The following ITFG1 variants were observed in gnomAD, a reference collection of about 807,000 sequenced individuals.
ITFG1 encodes integrin alpha FG-GAP repeat containing 1.
A neutral mutation model predicts 81.8 loss-of-function variants in ITFG1; 34 were observed. The observed-to-expected ratio is 0.42, with a 90% confidence interval of 0.32 to 0.55. ITFG1 has a LOEUF of 0.55. ITFG1 is among the 20% of genes least tolerant of loss of function. ITFG1 has a pLI of 0.17. For synonymous variants in ITFG1, 285 were observed against 270.6 expected, an observed-to-expected ratio of 1.05 and a Z score of -0.52; for missense variants, 672 against 755.4, an observed-to-expected ratio of 0.89 and a Z score of 1.29.
intron 8 of ITFG1, among the ~76,000 whole-genome samples, chr16:47,344,086 T>C (rs944768127): frequency 1.2e-4 from 19 of 152,174 alleles, no homozygotes; most frequent in Non-Finnish European, 2.6e-4. Context: ...GGCAAATTCA[T>C]TGAGACAGAA....
At chr16:47,315,019 T>C (rs1284365585) in intron 8 of ITFG1, among the ~76,000 whole-genome samples, 1 of 152,142 alleles carries the variant, frequency 6.6e-6, no homozygotes, top group African/African-American at 2.4e-5. Flanking sequence ...GACTTCAGCA[T>C]GGAAAATTAA....
chr16:47,371,716 T>C lies in ITFG1; in HGVS notation c.720+4160A>G, dbSNP rs563222868. On this transcript the variant is annotated intron_variant, in intron 7 of 17. Coordinates refer to ENST00000320640, the MANE Select transcript of ITFG1 (RefSeq NM_030790.5). ...TCCCCTGAGAACATCTGGCAATGTC[T>C]GCAGACATTTTTGATTGTCACAAGT... Among the ~76,000 whole-genome samples, 16 of 152,262 alleles carry C rather than the reference T, an allele frequency of 1.1e-4. No individual in the cohort carries two copies. The East Asian group carries it at 3.1e-3, about 29-fold the overall frequency.
At chr16:47,179,463 A>C (rs1164475143) in intron 14 of ITFG1, among the ~76,000 whole-genome samples, 1 of 152,202 alleles carries the variant, frequency 6.6e-6, no homozygotes, top group Non-Finnish European at 1.5e-5. Flanking sequence ...CCTAGAACTT[A>C]AAGTATATAA....
At chr16:47,263,734 T>C (rs1414069555) in intron 10 of ITFG1, among the ~76,000 whole-genome samples, 2 of 152,202 alleles carry the variant, frequency 1.3e-5, no homozygotes, top group South Asian at 4.1e-4. Flanking sequence ...CCTGAATGAA[T>C]GAATGAATGA....
rs1567438700 is a variant in ITFG1, at chr16:47,260,652, C to T, written c.1114G>A (p.Ala372Thr). Residue 372 changes from alanine to threonine, a missense_variant, in exon 11 of 18, where the codon GCA becomes ACA. This residue lies in a region of ITFG1 where 560 missense variants were observed against 625.7 expected (regional missense o/e 0.90). Transcript: ENST00000320640. ...FLLENVPCNNASCEEARRMFK... is the reference protein window; with the variant it reads ...FLLENVPCNNTSCEEARRMFK... ...ATTCGACGCGCCTCTTCACAGCTTG[C>T]ATTATTACAAGGGACGTTCTCCAGT... is the stretch of plus-strand genomic sequence containing the variant. 1.2e-6 allele frequency: 2 copies of T among 1,614,212 alleles called. No homozygotes were observed. The highest frequency in any genetic ancestry group is 8.5e-7 in the Non-Finnish European group (1 of 1,180,040).
At chr16:47,232,048 A>G (rs1247853702) in intron 13 of ITFG1, among the ~76,000 whole-genome samples, 2 of 152,224 alleles carry the variant, frequency 1.3e-5, no homozygotes, top group African/African-American at 4.8e-5. Flanking sequence ...CAAGGAAGAT[A>G]TGCAGCCTCA....
At chr16:47,452,347 C>T (rs1395489648) in intron 4 of ITFG1, among the ~76,000 whole-genome samples, 1 of 152,130 alleles carries the variant, frequency 6.6e-6, no homozygotes, top group Admixed American at 6.6e-5. Flanking sequence ...TAACACAAAG[C>T]AGGAGTTATA....
rs564643388 is a variant in ITFG1 at position 47,338,533 on chromosome 16, C to CA, written c.803-24711dup. 3.0e-3 allele frequency among the ~76,000 whole-genome samples: 456 copies of CA among 151,710 alleles called. 4 individuals are homozygous for CA. Among genetic ancestry groups the CA allele is most frequent in the Non-Finnish European group, 5.4e-3 (366 of 67,936 alleles). ...TAATATCTAAATGTTCGGTTTAGAG[C>CA]AAAAAAATCACAAGGCATACAAAGA... On this transcript the variant is annotated intron_variant, in intron 8 of 17. Transcript: ENST00000320640.
chr16:47,377,585 C>G (rs1411081910), intron 6 of ITFG1, among the ~76,000 whole-genome samples: 1 of 152,186 alleles, frequency 6.6e-6, no homozygotes, highest in African/African-American at 2.4e-5. Context: ...TTCCTTGTCT[C>G]TGTAGTACCT....
intron 4 of ITFG1, among the ~76,000 whole-genome samples, chr16:47,452,461 G>T (rs984687479): frequency 3.9e-5 from 6 of 152,098 alleles, no homozygotes; most frequent in Non-Finnish European, 5.9e-5. Flanking sequence ...TCAAAAACAG[G>T]TATCTTAATT....
intron 10 of ITFG1, among the ~76,000 whole-genome samples, chr16:47,304,398 A>G (rs544127223): frequency 1.3e-5 from 2 of 152,366 alleles, no homozygotes; most frequent in East Asian, 3.9e-4. Flanking sequence ...AAACAGAAGT[A>G]TAAGTGGCAG....
At chr16:47,187,671 C>G (rs1186155539) in intron 14 of ITFG1, among the ~76,000 whole-genome samples, 1 of 150,780 alleles carries the variant, frequency 6.6e-6, no homozygotes, top group African/African-American at 2.4e-5. Flanking sequence ...AGAAGAAAAC[C>G]TAGGCATTAC....
intron 12 of ITFG1, among the ~76,000 whole-genome samples, chr16:47,246,191 G>C (rs1247075608): frequency 1.3e-5 from 2 of 152,100 alleles, no homozygotes; most frequent in Admixed American, 6.5e-5. Flanking sequence ...TCTTGCATCT[G>C]TTTTTGTTTT....
At chr16:47,243,474 T>A (rs980818629) in intron 12 of ITFG1, among the ~76,000 whole-genome samples, 2 of 152,216 alleles carry the variant, frequency 1.3e-5, no homozygotes, top group Non-Finnish European at 2.9e-5. Flanking sequence ...TATAAATCCC[T>A]ACAACTTTCA....
chr16:47,460,643 G>GTAGC (rs981153336), intron 1 of ITFG1, among the ~76,000 whole-genome samples, 195 bp downstream of exon 1: 2 of 152,166 alleles, frequency 1.3e-5, no homozygotes, highest in South Asian at 4.1e-4. Context: ...AAACTGTAGG[G>GTAGC]TAGCTGGGTC....
intron 6 of ITFG1, among the ~76,000 whole-genome samples, chr16:47,411,695 C>T (rs139950830): frequency 1.8e-4 from 28 of 152,166 alleles, no homozygotes; most frequent in Non-Finnish European, 3.5e-4. Flanking sequence ...AGGTACAGCC[C>T]GCCAGGACCC....
chr16:47,225,321 A>G (rs1326963406), intron 13 of ITFG1, among the ~76,000 whole-genome samples: 1 of 152,190 alleles, frequency 6.6e-6, no homozygotes, highest in African/African-American at 2.4e-5. Context: ...AATACCAACA[A>G]TAATGGGAGT....
At chr16:47,253,058 A>G (rs1966096727) in intron 12 of ITFG1, among the ~76,000 whole-genome samples, 1 of 152,060 alleles carries the variant, frequency 6.6e-6, no homozygotes, top group Non-Finnish European at 1.5e-5. Context: ...CCTGCACCAA[A>G]TTGGCTATCT....
chr16:47,336,467 T>C (rs1442715352), intron 8 of ITFG1, among the ~76,000 whole-genome samples: 2 of 152,200 alleles, frequency 1.3e-5, no homozygotes, highest in East Asian at 3.8e-4. Flanking sequence ...ATTGTGTATG[T>C]CTGTTCTAAC....
Sources: allele counts gnomAD v4.1 joint callset (sites outside exome capture counted in the v4.1 genomes callset), GRCh38; gene constraint gnomAD v4.1.1; regional missense constraint gnomAD v4.1.1; transcripts MANE v1.5; gene names NCBI Gene and HGNC (gene_info 2026-07-23, HGNC 2026-07-21).